CDH11: variants seen among roughly 807,000 people sequenced by gnomAD.
CDH11 encodes the protein cadherin-11.
Under a neutral mutation model 67.8 loss-of-function variants are expected in CDH11, and 11 were observed. That is an observed-to-expected ratio of 0.16 (90% CI 0.10 to 0.27). CDH11 has a LOEUF of 0.27. Among genes scored for constraint, CDH11 ranks in the 10% least tolerant of loss-of-function variants. CDH11 has a pLI of 1.00. For missense variants in CDH11, 847 were observed against 1,031.2 expected, an observed-to-expected ratio of 0.82 and a Z score of 2.45; for synonymous variants, 419 against 400.0, an observed-to-expected ratio of 1.05 and a Z score of -0.57.
chr16:65,040,474 C>T (rs1010780766), intron 2 of CDH11, among the ~76,000 whole-genome samples: 15 of 150,326 alleles, frequency 1.0e-4, no homozygotes, highest in South Asian at 2.1e-4. Context: ...CCAAACACCG[C>T]GTGTTCTCAG....
intron 1 of CDH11, among the ~76,000 whole-genome samples, chr16:65,080,475 T>C (rs2074591881): frequency 1.3e-5 from 2 of 152,192 alleles, no homozygotes; most frequent in African/African-American, 2.4e-5. Flanking sequence ...TAAATGCTCA[T>C]TATAATCCCC....
intron 1 of CDH11, among the ~76,000 whole-genome samples, chr16:65,074,883 C>G (rs1233560963): frequency 6.6e-6 from 1 of 152,100 alleles, no homozygotes; most frequent in African/African-American, 2.4e-5. Flanking sequence ...ATCTTACATC[C>G]TTAGGTGGAA....
intron 1 of CDH11, among the ~76,000 whole-genome samples, chr16:65,112,613 G>A (rs1218149625): frequency 6.6e-6 from 1 of 152,142 alleles, no homozygotes; most frequent in Non-Finnish European, 1.5e-5. Flanking sequence ...AAAGAAATGG[G>A]TTTGAAATGA....
intron 1 of CDH11, among the ~76,000 whole-genome samples, chr16:65,098,326 A>C (rs1426965576): frequency 6.8e-6 from 1 of 147,616 alleles, no homozygotes; most frequent in Non-Finnish European, 1.5e-5. Flanking sequence ...TACTACTGTA[A>C]GATAAACCTA....
chr16:64,990,449 A>C (rs2072600167), intron 6 of CDH11, among the ~76,000 whole-genome samples: 1 of 151,906 alleles, frequency 6.6e-6, no homozygotes. Context: ...TCTGATAGTA[A>C]GCTCACAGGC....
intron 1 of CDH11, among the ~76,000 whole-genome samples, chr16:65,097,869 A>G (rs1205141814): frequency 6.6e-6 from 1 of 152,176 alleles, no homozygotes; most frequent in Non-Finnish European, 1.5e-5. Flanking sequence ...AAATTCAGCA[A>G]TTGAATCTGT....
chr16:65,021,823 A>G (rs886926677), intron 2 of CDH11, among the ~76,000 whole-genome samples: 12 of 150,910 alleles, frequency 8.0e-5, no homozygotes, highest in South Asian at 2.1e-4. Flanking sequence ...GATGTCTCCA[A>G]ATAGATGGCA....
chr16:65,079,846 T>G (rs1052074422), intron 1 of CDH11, among the ~76,000 whole-genome samples: 2 of 152,238 alleles, frequency 1.3e-5, no homozygotes, highest in African/African-American at 4.8e-5. Flanking sequence ...TAGCTTTCTC[T>G]GACTGTTTCA....
intron 7 of CDH11, chr16:64,986,730 TAG>T (rs1452719656): frequency 6.6e-6 from 1 of 152,196 alleles, no homozygotes; most frequent in East Asian, 1.9e-4. Context: ...TCCATTAATG[TAG>T]ACTTTTCCAA....
chr16:65,099,918 G>T (rs1490182385), intron 1 of CDH11, among the ~76,000 whole-genome samples: 1 of 152,152 alleles, frequency 6.6e-6, no homozygotes, highest in East Asian at 1.9e-4. Flanking sequence ...AGAGCTGAAG[G>T]TCAGAGTGTT....
In CDH11 at chr16:64,972,932, G is replaced by A. The variant is rs765839787; in HGVS notation, c.1362C>T (p.Leu454=). ...KPLDREETAW[L]NITVFAAEIH... ...TTTCTGCTGCAAAGACAGTGATGTTGAGCCAGGCTGTTTCCTCTCTATCCA... is the reference window on the plus strand; with the variant it reads ...TTTCTGCTGCAAAGACAGTGATGTTAAGCCAGGCTGTTTCCTCTCTATCCA... Residue 454 remains leucine, a synonymous_variant, in exon 9 of 13, where the codon CTC becomes CTT. Transcript: ENST00000268603. The A allele has an allele frequency of 4.2e-5, 68 of 1,613,698 alleles. No individual in the cohort carries two copies. The highest frequency in any genetic ancestry group is 5.6e-5 in the Non-Finnish European group (66 of 1,179,852).
chr16:65,038,328 T>C (rs1435186475), intron 2 of CDH11, among the ~76,000 whole-genome samples: 1 of 152,110 alleles, frequency 6.6e-6, no homozygotes, highest in Non-Finnish European at 1.5e-5. Flanking sequence ...AAATGTCTCG[T>C]GAAAATAAAT....
chr16:64,994,725 G>A (rs1021960755), intron 4 of CDH11, among the ~76,000 whole-genome samples: 1 of 152,128 alleles, frequency 6.6e-6, no homozygotes, highest in Non-Finnish European at 1.5e-5. Context: ...TGAGGCAAGA[G>A]CAAGAAATAA....
At chr16:65,066,681 C>T (rs1405473957) in intron 1 of CDH11, among the ~76,000 whole-genome samples, 2 of 152,240 alleles carry the variant, frequency 1.3e-5, no homozygotes, top group Admixed American at 1.3e-4. Context: ...CTTACAACCA[C>T]CTTTATCAGT....
chr16:64,984,488 T>C (rs1474744406), intron 7 of CDH11, among the ~76,000 whole-genome samples: 2 of 152,210 alleles, frequency 1.3e-5, no homozygotes, highest in Non-Finnish European at 2.9e-5. Context: ...TTATGAGTAG[T>C]TGAAATAAAG....
At chr16:64,993,157 A>C in intron 4 of CDH11, 123 bp from the exon 5 acceptor site, 1 of 772,070 alleles carries the variant, frequency 1.3e-6, no homozygotes, top group Non-Finnish European at 2.1e-6. Context: ...ACATTCTCTC[A>C]TTTTCCTGGA....
At chr16:64,988,779 G>A (rs564808500) in intron 6 of CDH11, among the ~76,000 whole-genome samples, 1 of 152,160 alleles carries the variant, frequency 6.6e-6, no homozygotes, top group East Asian at 1.9e-4. Flanking sequence ...CTGTTTAAAA[G>A]CCTTCCTTCA....
chr16:65,078,949 A>G (rs1163172593), intron 1 of CDH11, among the ~76,000 whole-genome samples: 2 of 152,194 alleles, frequency 1.3e-5, no homozygotes, highest in Non-Finnish European at 2.9e-5. Flanking sequence ...ATAAACACCA[A>G]TTTGGATGTG....
At chr16:64,969,126 T>G (rs1297808513) in intron 11 of CDH11, among the ~76,000 whole-genome samples, 1 of 152,184 alleles carries the variant, frequency 6.6e-6, no homozygotes, top group Non-Finnish European at 1.5e-5. Context: ...TCTAGGGTTA[T>G]ATAATCTCCT....
Sources: allele counts gnomAD v4.1 joint callset (sites outside exome capture counted in the v4.1 genomes callset), GRCh38; gene constraint gnomAD v4.1.1; transcripts MANE v1.5; gene names NCBI Gene and HGNC (gene_info 2026-07-23, HGNC 2026-07-21).